The following TRIM67 variants were observed in gnomAD, a reference collection of about 807,000 sequenced individuals.
TRIM67 encodes the protein tripartite motif-containing protein 67.
A neutral mutation model predicts 71.0 loss-of-function variants in TRIM67; 39 were observed. The ratio of observed to expected loss-of-function variants is 0.55; its 90% CI spans 0.43 to 0.72. TRIM67 has a LOEUF of 0.72. TRIM67 is among the 30% of genes least tolerant of loss of function. The pLI is 0.00. For missense variants in TRIM67, 973 were observed against 1,079.2 expected, an observed-to-expected ratio of 0.90 and a Z score of 1.38; for synonymous variants, 481 against 473.9, an observed-to-expected ratio of 1.01 and a Z score of -0.19.
At chr1:231,207,381 G>A (rs1683735473) in intron 7 of TRIM67, among the ~76,000 whole-genome samples, 1 of 152,196 alleles carries the variant, frequency 6.6e-6, no homozygotes, top group African/African-American at 2.4e-5. Flanking sequence ...CCTACCTGCA[G>A]CCTTTTAGGT....
intron 6 of TRIM67, 78 bp downstream of exon 6, chr1:231,204,090 C>T (rs1683629878): frequency 1.3e-6 from 2 of 1,579,330 alleles, no homozygotes; most frequent in Non-Finnish European, 1.7e-6. Flanking sequence ...GCCCCAGACT[C>T]TGGTTCAGCC....
chr1:231,212,794 C>T (rs183884645), intron 8 of TRIM67, among the ~76,000 whole-genome samples: 2 of 152,240 alleles, frequency 1.3e-5, no homozygotes, highest in Non-Finnish European at 2.9e-5. Context: ...TCAGCCAAGC[C>T]CCCCCTTGGG....
intron 1 of TRIM67, among the ~76,000 whole-genome samples, chr1:231,191,424 A>C (rs1167743584): frequency 6.6e-6 from 1 of 152,038 alleles, no homozygotes; most frequent in Non-Finnish European, 1.5e-5. Context: ...CCATTGAGAG[A>C]AGACTAGAAA....
intron 6 of TRIM67, among the ~76,000 whole-genome samples, chr1:231,206,014 G>A (rs1456246749): frequency 6.6e-6 from 1 of 152,232 alleles, no homozygotes; most frequent in Non-Finnish European, 1.5e-5. Flanking sequence ...CGCCTCGCAG[G>A]CAGAGGGGCC....
At chr1:231,182,718 C>G (rs1682939928) in intron 1 of TRIM67, among the ~76,000 whole-genome samples, 1 of 152,188 alleles carries the variant, frequency 6.6e-6, no homozygotes, top group South Asian at 2.1e-4. Flanking sequence ...CTGCCCACTT[C>G]AGCAGGAACT....
At chr1:231,210,199 C>A (rs1683828125) in intron 8 of TRIM67, among the ~76,000 whole-genome samples, 1 of 152,170 alleles carries the variant, frequency 6.6e-6, no homozygotes, top group Non-Finnish European at 1.5e-5. Context: ...GGCCATCTCC[C>A]CAGCAGGAAG....
rs184904727 is a variant in TRIM67 at position 231,198,203 on chromosome 1, C to T, written c.1140+737C>T. 9.2e-5 allele frequency among the ~76,000 whole-genome samples: 14 copies of T among 152,306 alleles called. No homozygotes were observed. The East Asian group carries it at 2.7e-3, about 29-fold the overall frequency. ...TCTAAACAAATGTGTTTACTGAACT[C>T]TTATGCTGTGTCATGTACTGAGCCC... On this transcript the variant is annotated intron_variant, in intron 2 of 9. Transcript: ENST00000366653.
chr1:231,197,362 C>A lies in TRIM67; in HGVS notation c.1045-9C>A. Reference sequence around the variant, plus strand: ...AATTTTTCTTTTCAACATGTGATATCTTTTTCAGGCACAACTATCTCAGGC... The same window carrying A: ...AATTTTTCTTTTCAACATGTGATATATTTTTCAGGCACAACTATCTCAGGC... On this transcript the variant is annotated splice_polypyrimidine_tract_variant and intron_variant, in intron 1 of 9. Coordinates refer to ENST00000366653, the MANE Select transcript of TRIM67 (RefSeq NM_001004342.5). 6.2e-7 allele frequency: 1 copy of A among 1,611,498 alleles called. No individual in the cohort carries two copies. The highest frequency in any genetic ancestry group is 8.5e-7 in the Non-Finnish European group (1 of 1,178,984).
chr1:231,211,574 C>G (rs985906058), intron 8 of TRIM67, among the ~76,000 whole-genome samples: 9 of 152,198 alleles, frequency 5.9e-5, no homozygotes, highest in African/African-American at 1.9e-4. Context: ...GATCCCGCCC[C>G]GGGCACCCTC....
intron 1 of TRIM67, among the ~76,000 whole-genome samples, chr1:231,195,499 T>C (rs930112512): frequency 2.0e-5 from 3 of 152,168 alleles, no homozygotes; most frequent in Non-Finnish European, 4.4e-5. Context: ...CTAAACCCAC[T>C]GAGGTGGGGC....
At chr1:231,168,105 G>A (rs1357873039) in intron 1 of TRIM67, among the ~76,000 whole-genome samples, 5 of 152,042 alleles carry the variant, frequency 3.3e-5, no homozygotes, top group Admixed American at 2.6e-4. Flanking sequence ...AGGACTACAG[G>A]CACACCCCAC....
At chr1:231,172,664 TA>T in intron 1 of TRIM67, among the ~76,000 whole-genome samples, 1 of 152,296 alleles carries the variant, frequency 6.6e-6, no homozygotes, top group Non-Finnish European at 1.5e-5. Context: ...ACATGACATC[TA>T]AAAAAATCTG....
chr1:231,210,926 A>AGTTTTGTTTGTTT, intron 8 of TRIM67, among the ~76,000 whole-genome samples: 1 of 149,558 alleles, frequency 6.7e-6, no homozygotes, highest in African/African-American at 2.5e-5. Flanking sequence ...GTGTACCTGT[A>AGTTTTGTTTGTTT]GTTTCAGCTA....
chr1:231,169,993 C>CTTTT (rs369558747), intron 1 of TRIM67, among the ~76,000 whole-genome samples: 1 of 136,136 alleles, frequency 7.3e-6, no homozygotes, highest in African/African-American at 3.2e-5. Context: ...TTCTTTCTCT[C>CTTTT]TTTTTTTTTT....
At chr1:231,192,160 A>G (rs938626850) in intron 1 of TRIM67, among the ~76,000 whole-genome samples, 4 of 151,910 alleles carry the variant, frequency 2.6e-5, no homozygotes, top group Non-Finnish European at 5.9e-5. Flanking sequence ...AGTGGCAGAG[A>G]AAGCTCTCCA....
intron 1 of TRIM67, among the ~76,000 whole-genome samples, chr1:231,170,722 T>C (rs546925197): frequency 6.6e-6 from 1 of 152,344 alleles, no homozygotes; most frequent in African/African-American, 2.4e-5. Context: ...TAAAATTTTA[T>C]TGAAACACGG....
At position 231,221,087 on chromosome 1, in the gene TRIM67, A is replaced by G. The variant is rs778195045; in HGVS notation, c.*5647A>G. 6.6e-6 allele frequency: 1 copy of G among 152,266 alleles called. No individual in the cohort carries two copies. The highest frequency in any genetic ancestry group is 2.4e-5 in the African/African-American group (1 of 41,462). 9.4% of individuals were successfully genotyped at this position (152,266 alleles called of 1,614,324 possible). A position where few individuals can be genotyped will look rare whatever the true frequency, so the allele number is the denominator to read the frequency against. Reference sequence around the variant, plus strand: ...GAGCGGGCAAAGCAGAAAACATTCAATGCATGATGTAGGATTGCTGCGTTG... The same window carrying G: ...GAGCGGGCAAAGCAGAAAACATTCAGTGCATGATGTAGGATTGCTGCGTTG... On this transcript the variant is annotated 3_prime_UTR_variant, in exon 10 of 10. Coordinates refer to ENST00000366653, the MANE Select transcript of TRIM67 (RefSeq NM_001004342.5).
At chr1:231,178,630 C>T (rs1682819297) in intron 1 of TRIM67, among the ~76,000 whole-genome samples, 1 of 152,226 alleles carries the variant, frequency 6.6e-6, no homozygotes, top group Admixed American at 6.5e-5. Context: ...GCCACTTCCC[C>T]TCCTCACACT....
chr1:231,187,564 C>T (rs768732232), intron 1 of TRIM67: 54 of 1,532,838 alleles, frequency 3.5e-5, no homozygotes, highest in Non-Finnish European at 1.5e-5. Context: ...CCCCTGTGGT[C>T]CATTTCACAA....
Sources: allele counts gnomAD v4.1 joint callset (sites outside exome capture counted in the v4.1 genomes callset), GRCh38; gene constraint gnomAD v4.1.1; transcripts MANE v1.5; gene names NCBI Gene and HGNC (gene_info 2026-07-23, HGNC 2026-07-21).